The following PTPRR variants were observed in gnomAD, a reference collection of about 807,000 sequenced individuals.
PTPRR encodes protein tyrosine phosphatase receptor type R.
PTPRR carries 38 observed loss-of-function variants against 77.2 expected under a neutral mutation model. That is an observed-to-expected ratio of 0.49 (90% CI 0.38 to 0.65). The LOEUF (loss-of-function observed/expected upper bound fraction) is 0.65, where lower values mean the gene tolerates loss of function less well. Among genes scored for constraint, PTPRR ranks in the 30% least tolerant of loss-of-function variants. The probability of loss-of-function intolerance (pLI) is 0.00; values close to 1 mark genes in which losing one functional copy is unlikely to be tolerated. For missense variants in PTPRR, 744 were observed against 799.2 expected (o/e 0.93, Z 0.83); for synonymous variants, 299 against 283.1 (o/e 1.06, Z -0.57).
intron 2 of PTPRR, among the ~76,000 whole-genome samples, chr12:70,773,491 G>A (rs756606107): frequency 2.6e-4 from 39 of 152,120 alleles, no homozygotes; most frequent in Non-Finnish European, 4.4e-4. Flanking sequence ...GTTCATTCCT[G>A]GTTGGAGAGC....
chr12:70,844,678 A>G lies in PTPRR; in HGVS notation c.357+48001T>C, dbSNP rs1294414577. On this transcript the variant is annotated intron_variant, in intron 2 of 13. Transcript: ENST00000283228. ...TGTGGTTAATATATACTATATTTGGACTTGACTTATATGATAGTTTTAGTT... is the reference window on the plus strand; with the variant it reads ...TGTGGTTAATATATACTATATTTGGGCTTGACTTATATGATAGTTTTAGTT... Among the ~76,000 whole-genome samples the G allele has an allele frequency of 3.3e-5, 5 of 152,180 alleles. No individual in the cohort carries two copies. The East Asian group carries it at 7.7e-4, about 23-fold the overall frequency.
chr12:70,815,412 T>C (rs919966144), intron 2 of PTPRR, among the ~76,000 whole-genome samples: 2 of 152,050 alleles, frequency 1.3e-5, no homozygotes, highest in Non-Finnish European at 2.9e-5. Context: ...GGATGAAAAA[T>C]CTATAAATTT....
At chr12:70,827,710 T>A (rs1216644287) in intron 2 of PTPRR, among the ~76,000 whole-genome samples, 1 of 65,038 alleles carries the variant, frequency 1.5e-5, no homozygotes, top group Non-Finnish European at 2.6e-5. Context: ...CACACCTGGC[T>A]TTTTTTTTTT....
intron 2 of PTPRR, among the ~76,000 whole-genome samples, chr12:70,846,547 C>T (rs1191259602): frequency 6.6e-6 from 1 of 152,098 alleles, no homozygotes; most frequent in Non-Finnish European, 1.5e-5. Context: ...ATCCTAACCC[C>T]CAAGGTGATA....
intron 10 of PTPRR, among the ~76,000 whole-genome samples, chr12:70,683,049 T>C (rs770753243): frequency 6.6e-6 from 1 of 152,204 alleles, no homozygotes; most frequent in Non-Finnish European, 1.5e-5. Context: ...TTATCTATTG[T>C]AGCAAAAATA....
At chr12:70,704,237 C>T (rs1888534946) in intron 6 of PTPRR, among the ~76,000 whole-genome samples, 2 of 151,880 alleles carry the variant, frequency 1.3e-5, no homozygotes, top group Non-Finnish European at 2.9e-5. Flanking sequence ...GCTTGGGCAA[C>T]ATAGCAAGAC....
intron 8 of PTPRR, among the ~76,000 whole-genome samples, chr12:70,693,562 C>T (rs1351195243): frequency 6.6e-6 from 1 of 151,842 alleles, no homozygotes; most frequent in Non-Finnish European, 1.5e-5. Flanking sequence ...ATTATATTGC[C>T]CAGGCTGGTC....
chr12:70,672,132 A>C, intron 10 of PTPRR: 1 of 1,416,032 alleles, frequency 7.1e-7, no homozygotes, highest in East Asian at 2.3e-5. Flanking sequence ...TTCCTAGAGC[A>C]GGGAGAGGCC....
At chr12:70,840,795 C>T (rs1252648691) in intron 2 of PTPRR, among the ~76,000 whole-genome samples, 2 of 152,086 alleles carry the variant, frequency 1.3e-5, no homozygotes, top group African/African-American at 4.8e-5. Flanking sequence ...CACATTAATA[C>T]ATCTCACTGA....
Position 70,892,772 on chromosome 12 carries a change from G to A in PTPRR, c.264C>T (p.Pro88=), listed in dbSNP as rs202082061. Reference sequence around the variant, plus strand: ...GCAGATTGAGAGACGGGTCATATGCGGGTCTAGGAAATGCTGAATTGACAA... The same window carrying A: ...GCAGATTGAGAGACGGGTCATATGCAGGTCTAGGAAATGCTGAATTGACAA... ...HQIVNSAFPR[P]AYDPSLNLLA... Residue 88 remains proline, a synonymous_variant, in exon 2 of 14, where the codon CCC becomes CCT. Coordinates refer to ENST00000283228, the MANE Select transcript of PTPRR (RefSeq NM_002849.4). 9.6e-5 allele frequency: 155 copies of A among 1,613,402 alleles called. No homozygotes were observed. Among genetic ancestry groups the A allele is most frequent in the Middle Eastern group, 3.3e-4 (2 of 6,058 alleles).
intron 2 of PTPRR, among the ~76,000 whole-genome samples, chr12:70,785,072 T>C (rs558639856): frequency 6.6e-6 from 1 of 152,338 alleles, no homozygotes; most frequent in East Asian, 1.9e-4. Context: ...GAACAGTTTT[T>C]GAATTCAAAA....
intron 10 of PTPRR, chr12:70,664,678 C>T (rs1326435884): frequency 6.6e-6 from 1 of 152,328 alleles, no homozygotes; most frequent in East Asian, 1.9e-4. Context: ...GCTCGCTTCT[C>T]TCCCAAGCTT....
In PTPRR at chr12:70,853,055, C is replaced by T. The variant is rs542987961; in HGVS notation, c.357+39624G>A. On this transcript the variant is annotated intron_variant, in intron 2 of 13. Coordinates refer to ENST00000283228, the MANE Select transcript of PTPRR (RefSeq NM_002849.4). ...GCCGCCACACTTTATCTCATTTATT[C>T]CTCACTACAATCCTCTGAGGCAAGT... Among the ~76,000 whole-genome samples the T allele has an allele frequency of 2.0e-3, 310 of 152,280 alleles. 3 individuals are homozygous for T. Among genetic ancestry groups the T allele is most frequent in the African/African-American group, 7.3e-3 (304 of 41,564 alleles).
At chr12:70,802,524 C>CT (rs1319118405) in intron 2 of PTPRR, among the ~76,000 whole-genome samples, 1 of 152,154 alleles carries the variant, frequency 6.6e-6, no homozygotes, top group African/African-American at 2.4e-5. Flanking sequence ...TACTGTTACA[C>CT]TTTTTGCAAA....
At chr12:70,716,576 A>C (rs1889039567) in intron 6 of PTPRR, among the ~76,000 whole-genome samples, 1 of 152,186 alleles carries the variant, frequency 6.6e-6, no homozygotes, top group Non-Finnish European at 1.5e-5. Context: ...ATCTAGACTT[A>C]CATAGGTAAT....
intron 8 of PTPRR, among the ~76,000 whole-genome samples, chr12:70,697,027 A>G (rs1038533275): frequency 2.0e-5 from 3 of 152,148 alleles, no homozygotes; most frequent in African/African-American, 4.8e-5. Context: ...ATTATGAATA[A>G]TGCTGTTATA....
chr12:70,705,274 C>A (rs769293074), intron 6 of PTPRR, among the ~76,000 whole-genome samples: 18 of 152,176 alleles, frequency 1.2e-4, no homozygotes, highest in African/African-American at 1.7e-4. Context: ...AATACAGTAA[C>A]ATTACAACTG....
intron 4 of PTPRR, among the ~76,000 whole-genome samples, chr12:70,760,011 CAG>C (rs1890656962): frequency 1.3e-5 from 2 of 152,112 alleles, no homozygotes; most frequent in South Asian, 4.1e-4. Flanking sequence ...GGAAACAGAA[CAG>C]AGAGAGGCGC....
intron 2 of PTPRR, among the ~76,000 whole-genome samples, chr12:70,830,761 GA>G (rs960943270): frequency 6.6e-6 from 1 of 152,146 alleles, no homozygotes; most frequent in African/African-American, 2.4e-5. Flanking sequence ...CTTTGCCAGA[GA>G]AAAAAGGAGC....
Sources: allele counts gnomAD v4.1 joint callset (sites outside exome capture counted in the v4.1 genomes callset), GRCh38; gene constraint gnomAD v4.1.1; transcripts MANE v1.5; gene names NCBI Gene and HGNC (gene_info 2026-07-23, HGNC 2026-07-21).